The following MAZ variants were observed in gnomAD, a reference collection of about 807,000 sequenced individuals.
MAZ encodes myc-associated zinc finger protein.
A neutral mutation model predicts 32.7 loss-of-function variants in MAZ; 4 were observed. The ratio of observed to expected loss-of-function variants is 0.12; its 90% CI spans 0.06 to 0.28. The LOEUF (loss-of-function observed/expected upper bound fraction) is 0.28. Ranked by LOEUF, MAZ falls within the 10% of genes least tolerant of loss-of-function variation. The pLI is 1.00. For missense variants in MAZ, 763 were observed against 667.2 expected, an observed-to-expected ratio of 1.14 and a Z score of -1.58; for synonymous variants, 510 against 297.6, an observed-to-expected ratio of 1.71 and a Z score of -7.35.
At position 29,807,257 on chromosome 16, in the gene MAZ, G is replaced by C; in HGVS notation, c.472G>C (p.Ala158Pro). The part of the protein sequence containing the change: ...APPASAATIA[A>P]AAATAVVAPT... ...CCCCGCCTCCGCCGCCACTATCGCC[G>C]CGGCGGCGGCCACCGCCGTCGTAGC... Residue 158 changes from alanine (A) to proline (P), a missense_variant, in exon 2 of 5, where the codon GCG (alanine) becomes CCG (proline). Physicochemically the swap from Ala to Pro is conservative, Grantham distance 27. Transcript: ENST00000322945. 1.4e-6 allele frequency: 2 copies of C among 1,439,560 alleles called. No homozygotes were observed. Among genetic ancestry groups the C allele is most frequent in the Non-Finnish European group, 1.8e-6 (2 of 1,092,932 alleles). 89.2% of individuals were successfully genotyped at this position (1,439,560 alleles called of 1,614,324 possible).
intron 4 of MAZ, chr16:29,809,507 A>AC: frequency 1.5e-5 from 12 of 811,680 alleles, no homozygotes; most frequent in Non-Finnish European, 2.0e-5. Context: ...CGCCTGGCTG[A>AC]CCCCCGCCCC....
At chr16:29,806,957 C>T (rs1441902070) in intron 1 of MAZ, 21 bp from the exon 2 acceptor site, 2 of 1,100,488 alleles carry the variant, frequency 1.8e-6, no homozygotes, top group Non-Finnish European at 2.2e-6. Context: ...CCGCGGCCCA[C>T]TCGGCGCCTT....
chr16:29,809,436 G>A (rs578097006), intron 4 of MAZ: 6 of 751,592 alleles, frequency 8.0e-6, no homozygotes, highest in Admixed American at 6.8e-5. Context: ...GTGGGAGGAG[G>A]ACAGGGCCAT....
At position 29,810,791 on chromosome 16, in the gene MAZ, G is replaced by A. The variant is rs572861238; in HGVS notation, c.*560G>A. The A allele has an allele frequency of 1.1e-5, 4 of 353,094 alleles. No individual in the cohort carries two copies. The highest frequency in any genetic ancestry group is 6.4e-5 in the African/African-American group (3 of 46,702). The allele number at this position is 353,094 out of a possible 1,614,324, so 21.9% of individuals were successfully genotyped here. On this transcript the variant is annotated 3_prime_UTR_variant, in exon 5 of 5. Coordinates refer to ENST00000322945, the MANE Select transcript of MAZ (RefSeq NM_002383.4). ...GGCAAAGGTTGTACCTTCATAAGGTGGTATGGGGGGTTGGGGTCAGGCCCT... is the reference window on the plus strand; with the variant it reads ...GGCAAAGGTTGTACCTTCATAAGGTAGTATGGGGGGTTGGGGTCAGGCCCT...
At position 29,807,227 on chromosome 16, in the gene MAZ, G is replaced by A. The variant is rs1369324219; in HGVS notation, c.442G>A (p.Ala148Thr). Residue 148 changes from alanine (A) to threonine (T), a missense_variant, in exon 2 of 5, where the codon GCG (alanine) becomes ACG (threonine). Coordinates refer to ENST00000322945, the MANE Select transcript of MAZ (RefSeq NM_002383.4). The part of the protein sequence containing the change: ...PPVSAPAAEA[A>T]PPASAATIAA... ...AGTGTCGGCGCCCGCGGCCGAGGCC[G>A]CGCCCCCCGCCTCCGCCGCCACTAT... 3.8e-6 allele frequency: 5 copies of A among 1,311,356 alleles called. No individual in the cohort carries two copies. The highest frequency in any genetic ancestry group is 4.8e-5 in the South Asian group (2 of 41,532). 81.2% of individuals were successfully genotyped at this position (1,311,356 alleles called of 1,614,324 possible).
In MAZ at chr16:29,808,424, C is replaced by T. The variant is rs181332715; in HGVS notation, c.1107+131C>T. 6.8e-4 allele frequency: 702 copies of T among 1,032,016 alleles called. 1 individual carries two copies. Among genetic ancestry groups the T allele is most frequent in the African/African-American group, 6.2e-3 (392 of 63,058 alleles). 63.9% of individuals were successfully genotyped at this position (1,032,016 alleles called of 1,614,324 possible). A position where few individuals can be genotyped will look rare whatever the true frequency, so the allele number is the denominator to read the frequency against. On this transcript the variant is annotated intron_variant, in intron 3 of 4. Coordinates refer to ENST00000322945, the MANE Select transcript of MAZ (RefSeq NM_002383.4). Reference sequence around the variant, plus strand: ...TTTTTGCTCCATTTTCTCATCCCTTCTTCAAGGCCTCATCATGTCACTCCC... The same window carrying T: ...TTTTTGCTCCATTTTCTCATCCCTTTTTCAAGGCCTCATCATGTCACTCCC...
Position 29,810,498 on chromosome 16 carries a change from G to A in MAZ, c.*267G>A, listed in dbSNP as rs1899883698. On this transcript the variant is annotated 3_prime_UTR_variant, in exon 5 of 5. Coordinates refer to ENST00000322945, the MANE Select transcript of MAZ (RefSeq NM_002383.4). The stretch of plus-strand genomic sequence containing the variant: ...CTGGACAGTGGGCAGGGGTGGCAGA[G>A]GACACGAGCAGCCACTGCCCGTACC... 1 of 702,326 alleles carries A rather than the reference G, an allele frequency of 1.4e-6. No individual in the cohort carries two copies. Among genetic ancestry groups the A allele is most frequent in the Non-Finnish European group, 2.6e-6 (1 of 385,250 alleles). 43.5% of individuals were successfully genotyped at this position (702,326 alleles called of 1,614,324 possible).
At chr16:29,808,109 TCGCTGTGA>T (rs1386065998) in intron 2 of MAZ, 113 bp from the exon 3 acceptor site, 1 of 1,025,510 alleles carries the variant, frequency 9.8e-7, no homozygotes, top group South Asian at 1.3e-5. Context: ...TGCTTAAGTG[TCGCTGTGA>T]CGGCCTGGGC....
In MAZ at chr16:29,809,536, A is replaced by T. The variant is rs758403317; in HGVS notation, c.1280-541A>T. ...CCGCCCCATCCCAATCCACCCCCCA[A>T]TAGGCTTCACCACGGCAGCATACCT... On this transcript the variant is annotated intron_variant, in intron 4 of 4. Transcript: ENST00000322945. 15 of 1,595,860 alleles carry T rather than the reference A, an allele frequency of 9.4e-6. No homozygotes were observed. The East Asian group carries it at 1.6e-4, about 17-fold the overall frequency.
At chr16:29,806,137 C>T (rs1196201967), upstream of MAZ, 7 of 1,297,686 alleles carry the variant, frequency 5.4e-6, no homozygotes, top group Non-Finnish European at 7.1e-6. Context: ...TCCCTCCCTC[C>T]CTCCGCCATG....
chr16:29,810,647 T>G lies in MAZ; in HGVS notation c.*416T>G. 1 of 580,344 alleles carries G rather than the reference T, an allele frequency of 1.7e-6. No homozygotes were observed. The highest frequency in any genetic ancestry group is 3.1e-6 in the Non-Finnish European group (1 of 324,454). 35.9% of individuals were successfully genotyped at this position (580,344 alleles called of 1,614,324 possible). The stretch of plus-strand genomic sequence containing the variant: ...TGTCTGCAGCCCCTCCCCGGGGAGT[T>G]GGTGCTTTCTTTTCCTTTTTTTTTT... On this transcript the variant is annotated 3_prime_UTR_variant, in exon 5 of 5. Transcript: ENST00000322945.
At chr16:29,807,866 G>A in intron 2 of MAZ, 38 bp downstream of exon 2, 2 of 1,589,258 alleles carry the variant, frequency 1.3e-6, no homozygotes, top group South Asian at 2.2e-5. Flanking sequence ...AGGCCGTGGG[G>A]AGGGAGGGAC....
At position 29,807,080 on chromosome 16, in the gene MAZ, G is replaced by A. The variant is rs1366456433; in HGVS notation, c.295G>A (p.Ala99Thr). The A allele has an allele frequency of 5.7e-5, 58 of 1,013,650 alleles. No individual in the cohort carries two copies. The highest frequency in any genetic ancestry group is 6.5e-5 in the Non-Finnish European group (55 of 848,944). 62.8% of individuals were successfully genotyped at this position (1,013,650 alleles called of 1,614,324 possible). Residue 99 changes from alanine to threonine, a missense_variant, in exon 2 of 5, where the codon GCT becomes ACT. Transcript: ENST00000322945. The part of the protein sequence containing the change: ...LAAAQESAAA[A>T]AAAAAAAAAV... ...CGCCGCCCAGGAGTCCGCCGCGGCT[G>A]CTGCGGCCGCTGCCGCCGCTGCTGC...
chr16:29,809,360 G>C (rs1899770351), intron 4 of MAZ: 5 of 594,914 alleles, frequency 8.4e-6, no homozygotes, highest in Non-Finnish European at 6.0e-6. Flanking sequence ...CCAGGCCCCA[G>C]GCTCAGGGAG....
In MAZ at chr16:29,807,490, C is replaced by G. The variant is rs201090868; in HGVS notation, c.705C>G (p.Leu235=). The G allele has an allele frequency of 1.9e-6, 3 of 1,611,988 alleles. No homozygotes were observed. The highest frequency in any genetic ancestry group is 2.2e-5 in the East Asian group (1 of 44,864). The change falls in exon 2 of 5, where the codon CTC becomes CTG. Residue 235 remains leucine, a synonymous_variant. Coordinates refer to ENST00000322945, the MANE Select transcript of MAZ (RefSeq NM_002383.4). ...MKMPTMVPLS[L]LSVPQLSGAG... Reference sequence around the variant, plus strand: ...TGCCGACCATGGTGCCCCTGAGCCTCCTGAGCGTGCCCCAGCTGAGCGGAG... The same window carrying G: ...TGCCGACCATGGTGCCCCTGAGCCTGCTGAGCGTGCCCCAGCTGAGCGGAG...
At chr16:29,808,002 T>G in intron 2 of MAZ, 174 bp downstream of exon 2, 1 of 1,279,524 alleles carries the variant, frequency 7.8e-7, no homozygotes. Context: ...GGGGTGGTCC[T>G]TTGTCGAGGA....
At chr16:29,809,686 G>T in intron 4 of MAZ, 1 of 1,535,824 alleles carries the variant, frequency 6.5e-7, no homozygotes, top group East Asian at 2.3e-5. Flanking sequence ...GACCCATCTG[G>T]GGGGGGCCGC....
Position 29,806,800 on chromosome 16 carries a change from A to T in MAZ, c.99A>T (p.Pro33=). ...GCGGCCTCATGAACTCCTTCCCGCC[A>T]CCTCAGGGTCACGCCCAGAACCCCC... ...GVGGLMNSFP[P]PQGHAQNPLQ... The change falls in exon 1 of 5, where the codon CCA becomes CCT. Residue 33 remains proline (P), a synonymous_variant. Coordinates refer to ENST00000322945, the MANE Select transcript of MAZ (RefSeq NM_002383.4). 1 of 1,428,396 alleles carries T rather than the reference A, an allele frequency of 7.0e-7. No homozygotes were observed. The highest frequency in any genetic ancestry group is 9.2e-7 in the Non-Finnish European group (1 of 1,083,728). 88.5% of individuals were successfully genotyped at this position (1,428,396 alleles called of 1,614,324 possible).
chr16:29,809,615 T>C, intron 4 of MAZ: 1 of 1,611,794 alleles, frequency 6.2e-7, no homozygotes, highest in Non-Finnish European at 8.5e-7. Flanking sequence ...GCTGACCGCA[T>C]CCTGTGCAAG....
Sources: gnomAD v4.1 joint callset for allele counts on GRCh38, gnomAD v4.1.1 for gene constraint, MANE v1.5 for transcripts, NCBI Gene and HGNC (gene_info 2026-07-23, HGNC 2026-07-21) for gene names.